EBF2: variants seen among roughly 807,000 people sequenced by gnomAD.
The protein encoded by EBF2 is transcription factor COE2.
In EBF2, 21 loss-of-function variants were observed where a neutral mutation model predicts 72.8. The ratio of observed to expected loss-of-function variants is 0.29; its 90% CI spans 0.20 to 0.42. EBF2 has a LOEUF of 0.42. Ranked by LOEUF, EBF2 falls within the 10% of genes least tolerant of loss-of-function variation. The pLI is 1.00. For missense variants in EBF2, 637 were observed against 731.2 expected (o/e 0.87, Z 1.49); for synonymous variants, 299 against 274.2 (o/e 1.09, Z -0.89).
Position 25,925,789 on chromosome 8 carries a change from G to A in EBF2, c.552-17234C>T, listed in dbSNP as rs188505635. ...TGGGGCCTCAAATCCCTTCACAGCC[G>A]ATCTGGGGCAAAGGAAAAAGCATTC... On this transcript the variant is annotated intron_variant, in intron 6 of 15. Coordinates refer to ENST00000520164, the MANE Select transcript of EBF2 (RefSeq NM_022659.4). Among the ~76,000 whole-genome samples the A allele has an allele frequency of 2.0e-3, 297 of 152,198 alleles. 2 individuals carry two copies. Among genetic ancestry groups the A allele is most frequent in the African/African-American group, 6.8e-3 (282 of 41,516 alleles).
chr8:25,951,309 G>T (rs1803857356), intron 6 of EBF2, among the ~76,000 whole-genome samples: 7 of 152,084 alleles, frequency 4.6e-5, no homozygotes, highest in Admixed American at 4.6e-4. Flanking sequence ...CTGAGGAGTG[G>T]TTATGTGAGC....
At position 25,927,593 on chromosome 8, in the gene EBF2, A is replaced by C. The variant is rs74384490; in HGVS notation, c.552-19038T>G. 7.2e-3 allele frequency among the ~76,000 whole-genome samples: 1,090 copies of C among 152,186 alleles called. 9 individuals are homozygous for C. The highest frequency in any genetic ancestry group is 0.033 in the East Asian group (168 of 5,154). On this transcript the variant is annotated intron_variant, in intron 6 of 15. Transcript: ENST00000520164. Reference sequence around the variant, plus strand: ...TGTGGTCCTTTCTGCTAGGGTGGGCAACTCCTGCTGGAGTTCCTGGTGCAC... The same window carrying C: ...TGTGGTCCTTTCTGCTAGGGTGGGCCACTCCTGCTGGAGTTCCTGGTGCAC...
intron 6 of EBF2, among the ~76,000 whole-genome samples, chr8:25,975,581 A>G (rs1408093117): frequency 6.6e-6 from 1 of 152,220 alleles, no homozygotes; most frequent in Admixed American, 6.5e-5. Flanking sequence ...TGAAATGTAC[A>G]GAGCCTGATT....
chr8:25,842,040 CAAAAG>C lies in EBF2; in HGVS notation c.*2564_*2568del, dbSNP rs894990451. The C allele has an allele frequency of 5.9e-5, 9 of 151,998 alleles. No homozygotes were observed. Among genetic ancestry groups the C allele is most frequent in the Non-Finnish European group, 1.2e-4 (8 of 67,976 alleles). 9.4% of individuals were successfully genotyped at this position (151,998 alleles called of 1,614,324 possible). ...ACTGAGAAGAATTACAACGCTATAA[CAAAAG>C]AAAGATAAATAATGAAGTAAATTGT... On this transcript the variant is annotated 3_prime_UTR_variant, in exon 16 of 16. Coordinates refer to ENST00000520164, the MANE Select transcript of EBF2 (RefSeq NM_022659.4).
chr8:25,936,988 C>T (rs1803590168), intron 6 of EBF2, among the ~76,000 whole-genome samples: 1 of 152,062 alleles, frequency 6.6e-6, no homozygotes, highest in East Asian at 1.9e-4. Context: ...TATTGAAATG[C>T]TTGGGTTAGA....
intron 7 of EBF2, among the ~76,000 whole-genome samples, chr8:25,893,133 T>C (rs1585184921): frequency 6.6e-6 from 1 of 151,988 alleles, no homozygotes; most frequent in South Asian, 2.1e-4. Flanking sequence ...CCGAAAATAA[T>C]AGGAGAAGAG....
chr8:25,908,019 G>GT (rs1218049377), intron 7 of EBF2, among the ~76,000 whole-genome samples: 3 of 152,236 alleles, frequency 2.0e-5, no homozygotes, highest in African/African-American at 7.2e-5. Flanking sequence ...CGATCTTAAA[G>GT]TGACCACGCT....
Position 25,872,246 on chromosome 8 carries a change from G to A in EBF2, c.1010-9449C>T, listed in dbSNP as rs868698541. On this transcript the variant is annotated intron_variant, in intron 10 of 15. Coordinates refer to ENST00000520164, the MANE Select transcript of EBF2 (RefSeq NM_022659.4). ...CTCTTGACCAGCAGGAGCACTGATT[G>A]CAAAGATGGCAACATCAAGGCCTGG... 2.6e-5 allele frequency among the ~76,000 whole-genome samples: 4 copies of A among 152,156 alleles called. No homozygotes were observed. The South Asian group carries it at 6.2e-4, about 24-fold the overall frequency.
intron 6 of EBF2, among the ~76,000 whole-genome samples, chr8:26,001,695 C>T (rs1043845252): frequency 1.4e-4 from 22 of 151,980 alleles, no homozygotes; most frequent in African/African-American, 3.1e-4. Context: ...ATTACAGGGA[C>T]GCGCCACCAT....
chr8:25,987,387 C>T (rs1393933360), intron 6 of EBF2, among the ~76,000 whole-genome samples: 5 of 152,170 alleles, frequency 3.3e-5, no homozygotes, highest in African/African-American at 1.2e-4. Flanking sequence ...CAAGTTCACA[C>T]AGTTGGTAAG....
intron 6 of EBF2, among the ~76,000 whole-genome samples, chr8:26,004,814 C>G (rs1804808207): frequency 6.6e-6 from 1 of 151,792 alleles, no homozygotes; most frequent in African/African-American, 2.4e-5. Context: ...GCACCTAAAC[C>G]CTTCAACTTC....
At chr8:25,893,271 A>T (rs1416823972) in intron 7 of EBF2, among the ~76,000 whole-genome samples, 48 of 111,424 alleles carry the variant, frequency 4.3e-4, no homozygotes, top group East Asian at 2.3e-3. Flanking sequence ...TAATTCTTCC[A>T]TTTTTTTTTT....
At chr8:25,869,781 A>G (rs1431465174) in intron 10 of EBF2, among the ~76,000 whole-genome samples, 2 of 152,212 alleles carry the variant, frequency 1.3e-5, no homozygotes, top group African/African-American at 4.8e-5. Context: ...TATTACCACC[A>G]TTAGGACGTA....
chr8:25,989,125 C>G (rs1804506297), intron 6 of EBF2, among the ~76,000 whole-genome samples: 1 of 152,188 alleles, frequency 6.6e-6, no homozygotes, highest in Admixed American at 6.5e-5. Flanking sequence ...CTCAGTGTTC[C>G]ATAAAATGAG....
Position 25,913,922 on chromosome 8 carries a change from C to T in EBF2, c.552-5367G>A, listed in dbSNP as rs530805881. On this transcript the variant is annotated intron_variant, in intron 6 of 15. Coordinates refer to ENST00000520164, the MANE Select transcript of EBF2 (RefSeq NM_022659.4). ...AATTGAGTTTCATTGTTTGTGCATG[C>T]CTCTGAAAAGGAGATGGCCCATTTC... 3.3e-5 allele frequency among the ~76,000 whole-genome samples: 5 copies of T among 152,334 alleles called. No homozygotes were observed. In the South Asian group the frequency reaches 1.0e-3, roughly 32 times the overall value.
rs893639460 is a variant in EBF2, at chr8:26,044,146, G to T, written c.131+583C>A. ...GGCTCACTGTTTTATCTTTGAGCCGGGACCCTCCAGCCTGTCCCCCCTCCC... is the reference window on the plus strand; with the variant it reads ...GGCTCACTGTTTTATCTTTGAGCCGTGACCCTCCAGCCTGTCCCCCCTCCC... On this transcript the variant is annotated intron_variant, in intron 1 of 15. Transcript: ENST00000520164. This position sits in a 1 kb window ranked among gnomAD's most constrained non-coding sequence, Gnocchi z 4.1. Among the ~76,000 whole-genome samples, 1 of 152,164 alleles carries T rather than the reference G, an allele frequency of 6.6e-6. No homozygotes were observed. Among genetic ancestry groups the T allele is most frequent in the Non-Finnish European group, 1.5e-5 (1 of 68,016 alleles).
At chr8:25,902,786 G>A (rs1023518628) in intron 7 of EBF2, among the ~76,000 whole-genome samples, 3 of 152,304 alleles carry the variant, frequency 2.0e-5, no homozygotes, top group Non-Finnish European at 4.4e-5. Flanking sequence ...CTAAGGTGGT[G>A]ACATTCAGCT....
intron 7 of EBF2, among the ~76,000 whole-genome samples, chr8:25,900,821 TAA>T (rs34705656): frequency 5.3e-5 from 8 of 150,598 alleles, no homozygotes; most frequent in African/African-American, 1.5e-4. Flanking sequence ...GTGAGAAAAC[TAA>T]AAAAAAAATG....
At chr8:25,989,733 T>G (rs1804515426) in intron 6 of EBF2, among the ~76,000 whole-genome samples, 1 of 152,210 alleles carries the variant, frequency 6.6e-6, no homozygotes, top group Non-Finnish European at 1.5e-5. Flanking sequence ...AACAGGAAGA[T>G]GGGCACATGA....
Sources: gnomAD v4.1 joint callset for allele counts (sites outside exome capture counted in the v4.1 genomes callset) on GRCh38, gnomAD v4.1.1 for gene constraint, Gnocchi (gnomAD v3.1) non-coding constraint, MANE v1.5 for transcripts, NCBI Gene and HGNC (gene_info 2026-07-23, HGNC 2026-07-21) for gene names.